The following CHST8 variants were observed in gnomAD, a reference collection of about 807,000 sequenced individuals.
CHST8 encodes carbohydrate sulfotransferase 8.
A neutral mutation model predicts 15.0 loss-of-function variants in CHST8; 10 were observed. That is an observed-to-expected ratio of 0.67 (90% confidence interval 0.41 to 1.13). The LOEUF is 1.13. CHST8 is among the 50% of genes most tolerant of loss of function. CHST8 has a pLI of 0.00. For missense variants in CHST8, 634 were observed against 608.2 expected (o/e 1.04, Z -0.45); for synonymous variants, 259 against 256.6 (o/e 1.01, Z -0.09).
intron 3 of CHST8, among the ~76,000 whole-genome samples, chr19:33,695,821 C>CTTTCTTTCTTTCTTTCTTTCTTTTTTTTT (rs57718433): frequency 1.3e-5 from 1 of 76,232 alleles, no homozygotes; most frequent in African/African-American, 6.2e-5. Flanking sequence ...TTCTTTCTTT[C>CTTTCTTTCTTTCTTTCTTTCTTTTTTTTT]TTTTTTTTTT....
chr19:33,652,449 C>T (rs527556320), intron 1 of CHST8, among the ~76,000 whole-genome samples: 12 of 142,908 alleles, frequency 8.4e-5, no homozygotes, highest in Admixed American at 3.8e-4. Context: ...AATCTCAGCT[C>T]TCTGCAACCT....
chr19:33,703,556 A>C (rs1973386055), intron 3 of CHST8, among the ~76,000 whole-genome samples: 1 of 152,202 alleles, frequency 6.6e-6, no homozygotes, highest in Non-Finnish European at 1.5e-5. Context: ...GCGCGGGCCC[A>C]CACACCCTGG....
At chr19:33,622,497 C>T (rs772362172) in intron 1 of CHST8, among the ~76,000 whole-genome samples, 7 of 152,308 alleles carry the variant, frequency 4.6e-5, no homozygotes, top group Middle Eastern at 3.4e-3. Flanking sequence ...GGGACCGGCC[C>T]CGGTAGCGGG....
chr19:33,742,443 A>G (rs1426664725), intron 3 of CHST8, among the ~76,000 whole-genome samples: 2 of 152,158 alleles, frequency 1.3e-5, no homozygotes, highest in Admixed American at 6.5e-5. Context: ...GAGAGAGGGA[A>G]CAAGAGACAT....
intron 2 of CHST8, among the ~76,000 whole-genome samples, chr19:33,669,235 G>GTTCA (rs1464512482): frequency 6.6e-6 from 1 of 152,160 alleles, no homozygotes; most frequent in Admixed American, 6.5e-5. Flanking sequence ...TGGCCACAGA[G>GTTCA]TTCACATTGT....
intron 1 of CHST8, among the ~76,000 whole-genome samples, chr19:33,632,289 A>G (rs909146180): frequency 1.3e-5 from 2 of 151,928 alleles, no homozygotes; most frequent in African/African-American, 4.8e-5. Context: ...ACAAGCTCCC[A>G]TCGCCATGCC....
intron 1 of CHST8, among the ~76,000 whole-genome samples, chr19:33,649,583 C>T (rs983076101): frequency 4.6e-5 from 7 of 152,180 alleles, no homozygotes; most frequent in South Asian, 2.1e-4. Context: ...GGTCTGGACG[C>T]ATACATACTG....
chr19:33,657,694 A>C (rs1302070191), intron 1 of CHST8, among the ~76,000 whole-genome samples: 1 of 151,968 alleles, frequency 6.6e-6, no homozygotes, highest in Non-Finnish European at 1.5e-5. Context: ...GCAGCCTCTC[A>C]AATAGCTGGG....
At chr19:33,649,819 G>A (rs1211349320) in intron 1 of CHST8, among the ~76,000 whole-genome samples, 1 of 152,184 alleles carries the variant, frequency 6.6e-6, no homozygotes, top group Non-Finnish European at 1.5e-5. Flanking sequence ...CTGCAGTTAT[G>A]GCTGGTAAAT....
intron 3 of CHST8, among the ~76,000 whole-genome samples, chr19:33,764,283 C>T (rs763005000): frequency 1.1e-4 from 16 of 152,126 alleles, no homozygotes; most frequent in Non-Finnish European, 1.8e-4. Flanking sequence ...GATCAGCAGG[C>T]GATCTAAACC....
intron 3 of CHST8, among the ~76,000 whole-genome samples, chr19:33,740,666 G>T (rs924221511): frequency 6.6e-6 from 1 of 152,178 alleles, no homozygotes; most frequent in Non-Finnish European, 1.5e-5. Flanking sequence ...AGCCCTAAAG[G>T]CCATTACCTG....
Position 33,773,011 on chromosome 19 carries a change from A to G in CHST8, c.1223A>G (p.Tyr408Cys), listed in dbSNP as rs1298818031. The G allele has an allele frequency of 1.2e-6, 2 of 1,612,422 alleles. No individual in the cohort carries two copies. Among genetic ancestry groups the G allele is most frequent in the Non-Finnish European group, 8.5e-7 (1 of 1,179,984 alleles). Residue 408 changes from tyrosine to cysteine, a missense_variant, in exon 5 of 5, where the codon TAC becomes TGC. By Grantham distance (194) the Tyr-to-Cys change is radical (BLOSUM62 -2). Coordinates refer to ENST00000650847, the MANE Select transcript of CHST8 (RefSeq NM_001127895.2). ...LQRQRTYDFY[Y>C]MDYLMFNYSK... Reference sequence around the variant, plus strand: ...AGGCAGCGCACCTACGACTTCTACTACATGGATTACCTGATGTTCAACTAT... The same window carrying G: ...AGGCAGCGCACCTACGACTTCTACTGCATGGATTACCTGATGTTCAACTAT...
At position 33,772,083 on chromosome 19, in the gene CHST8, C is replaced by G; in HGVS notation, c.295C>G (p.Leu99Val). ...LPAPDQPQPP[L>V]QRGTRLRLRQ... ...AGCGCCTGACCAGCCTCAACCCCCG[C>G]TGCAGAGGGGAACCCGTCTGCGGCT... Residue 99 changes from leucine (L) to valine (V), a missense_variant, in exon 5 of 5, where the codon CTG becomes GTG. By Grantham distance (32) the Leu-to-Val change is conservative. Coordinates refer to ENST00000650847, the MANE Select transcript of CHST8 (RefSeq NM_001127895.2). 1 of 1,612,454 alleles carries G rather than the reference C, an allele frequency of 6.2e-7. No homozygotes were observed. Among genetic ancestry groups the G allele is most frequent in the South Asian group, 1.1e-5 (1 of 91,046 alleles).
At chr19:33,662,005 C>T (rs1439787664) in intron 1 of CHST8, among the ~76,000 whole-genome samples, 3 of 152,006 alleles carry the variant, frequency 2.0e-5, no homozygotes, top group African/African-American at 7.2e-5. Flanking sequence ...CACTGCACTC[C>T]AGCCTGGACA....
chr19:33,731,491 G>C (rs1368912686), intron 3 of CHST8, among the ~76,000 whole-genome samples: 1 of 152,092 alleles, frequency 6.6e-6, no homozygotes, highest in Non-Finnish European at 1.5e-5. Flanking sequence ...GACAACCGGG[G>C]GTCACTTTCA....
Position 33,772,874 on chromosome 19 carries a change from C to G in CHST8, c.1086C>G (p.Ile362Met). Reference protein sequence around the residue: ...EDDANFFLSLIRAPRNLTFPR... With the variant: ...EDDANFFLSLMRAPRNLTFPR... ...ATGCCAACTTCTTCCTGAGCCTCATCCGCGCGCCGCGGAACCTGACCTTCC... is the reference window on the plus strand; with the variant it reads ...ATGCCAACTTCTTCCTGAGCCTCATGCGCGCGCCGCGGAACCTGACCTTCC... The change falls in exon 5 of 5, where the codon ATC becomes ATG. Residue 362 changes from isoleucine to methionine, a missense_variant. Physicochemically the swap from Ile to Met is conservative, Grantham distance 10. Transcript: ENST00000650847. 2 of 1,613,524 alleles carry G rather than the reference C, an allele frequency of 1.2e-6. No individual in the cohort carries two copies. Among genetic ancestry groups the G allele is most frequent in the South Asian group, 2.2e-5 (2 of 91,086 alleles).
In CHST8 at chr19:33,621,986, G is replaced by A. The variant is rs1363841129; in HGVS notation, c.-474G>A. The A allele has an allele frequency of 6.6e-6, 1 of 152,072 alleles. No homozygotes were observed. The highest frequency in any genetic ancestry group is 1.5e-5 in the Non-Finnish European group (1 of 68,028). The allele number at this position is 152,072 out of a possible 1,614,324, so 9.4% of individuals were successfully genotyped here. ...GGGAGCCTTCCCGGCGCGCAAGCCG[G>A]ATCCGGCAGTGCTGCGGGGAGGAGA... On this transcript the variant is annotated 5_prime_UTR_variant, in exon 1 of 5. Coordinates refer to ENST00000650847, the MANE Select transcript of CHST8 (RefSeq NM_001127895.2).
At chr19:33,739,338 C>T (rs1349240638) in intron 3 of CHST8, among the ~76,000 whole-genome samples, 1 of 152,152 alleles carries the variant, frequency 6.6e-6, no homozygotes, top group Non-Finnish European at 1.5e-5. Context: ...CATCCCCTGC[C>T]CTGCAGAAGT....
chr19:33,716,897 C>A (rs374438705), intron 3 of CHST8, among the ~76,000 whole-genome samples: 1 of 152,180 alleles, frequency 6.6e-6, no homozygotes, highest in East Asian at 1.9e-4. Context: ...GGACCTTTCT[C>A]CTGGGTTTGT....
Sources: allele counts gnomAD v4.1 joint callset (sites outside exome capture counted in the v4.1 genomes callset), GRCh38; gene constraint gnomAD v4.1.1; transcripts MANE v1.5; gene names NCBI Gene and HGNC (gene_info 2026-07-23, HGNC 2026-07-21).